BACH2: variants seen among roughly 807,000 people sequenced by gnomAD.
BACH2 encodes BACH transcriptional regulator 2.
In BACH2, 5 loss-of-function variants were observed where a neutral mutation model predicts 61.8. The observed-to-expected ratio is 0.08, with a 90% CI of 0.04 to 0.17. The LOEUF (loss-of-function observed/expected upper bound fraction) is 0.17, where lower values mean the gene tolerates loss of function less well. Among genes scored for constraint, BACH2 ranks in the 10% least tolerant of loss-of-function variants. The probability of loss-of-function intolerance (pLI) is 1.00; values close to 1 mark genes in which losing one functional copy is unlikely to be tolerated. For missense variants in BACH2, 824 were observed against 1,091.1 expected (o/e 0.76, Z 3.45); for synonymous variants, 446 against 440.1 (o/e 1.01, Z -0.17).
At chr6:90,052,258 C>T (rs1470488001) in intron 5 of BACH2, among the ~76,000 whole-genome samples, 1 of 152,128 alleles carries the variant, frequency 6.6e-6, no homozygotes, top group African/African-American at 2.4e-5. Flanking sequence ...CAAGCAATAT[C>T]TTGGAGAAAC....
chr6:90,055,918 T>C (rs905499613), intron 5 of BACH2, among the ~76,000 whole-genome samples: 42 of 152,130 alleles, frequency 2.8e-4, no homozygotes, highest in African/African-American at 9.2e-4. Context: ...GACAAGCAAA[T>C]GCTGAGAGAT....
At chr6:90,252,012 T>C (rs1770828270) in intron 3 of BACH2, among the ~76,000 whole-genome samples, 1 of 152,162 alleles carries the variant, frequency 6.6e-6, no homozygotes. Context: ...TTTTTTAGAA[T>C]TGACTATGCT....
chr6:90,075,403 G>T (rs188639643), intron 5 of BACH2, among the ~76,000 whole-genome samples: 1 of 152,132 alleles, frequency 6.6e-6, no homozygotes, highest in Non-Finnish European at 1.5e-5. Context: ...AACTAAAAGC[G>T]TTTTTAAGGT....
chr6:90,296,096 C>T (rs1276899091), intron 1 of BACH2, among the ~76,000 whole-genome samples: 8 of 152,006 alleles, frequency 5.3e-5, no homozygotes, highest in Non-Finnish European at 7.4e-5. Flanking sequence ...GCTGCTGCGG[C>T]TCGCGCGGAC....
intron 4 of BACH2, among the ~76,000 whole-genome samples, chr6:90,177,156 GCCT>G (rs1768008636): frequency 6.6e-6 from 1 of 152,102 alleles, no homozygotes; most frequent in Admixed American, 6.5e-5. Context: ...TCATTCTGAA[GCCT>G]CCTCAAACAA....
At chr6:90,150,151 T>A (rs965484790) in intron 4 of BACH2, among the ~76,000 whole-genome samples, 2 of 152,116 alleles carry the variant, frequency 1.3e-5, no homozygotes, top group East Asian at 3.9e-4. Flanking sequence ...CTGTCTACAG[T>A]GATAAGCAAC....
rs35844509 is a variant in BACH2, at chr6:90,179,196, T to C, written c.-162+27373A>G. ...GCATTACAACCCTTGGGAGACACTC[T>C]AGTGTGTATTTCTATAAATTAAAAA... On this transcript the variant is annotated intron_variant, in intron 4 of 8. Transcript: ENST00000257749. 4.2e-3 allele frequency among the ~76,000 whole-genome samples: 634 copies of C among 152,246 alleles called. 3 individuals carry two copies. The highest frequency in any genetic ancestry group is 7.2e-3 in the Non-Finnish European group (491 of 68,014).
At chr6:90,151,003 A>G (rs1784793806) in intron 4 of BACH2, among the ~76,000 whole-genome samples, 1 of 152,226 alleles carries the variant, frequency 6.6e-6, no homozygotes, top group South Asian at 2.1e-4. Flanking sequence ...CCTATCAATA[A>G]TTACACGAGG....
At chr6:90,131,892 C>T (rs1227379759) in intron 4 of BACH2, among the ~76,000 whole-genome samples, 1 of 152,198 alleles carries the variant, frequency 6.6e-6, no homozygotes, top group African/African-American at 2.4e-5. Context: ...TTATGCCAGC[C>T]AATGAAAGTG....
chr6:90,028,681 A>G (rs1778771626), intron 5 of BACH2, among the ~76,000 whole-genome samples: 1 of 151,968 alleles, frequency 6.6e-6, no homozygotes, highest in Non-Finnish European at 1.5e-5. Context: ...AAACAGAATG[A>G]CTCCTGGAGA....
Position 89,950,342 on chromosome 6 carries a change from G to A in BACH2, c.1764C>T (p.Asn588=). 6.2e-7 allele frequency: 1 copy of A among 1,614,168 alleles called. No individual in the cohort carries two copies. Among genetic ancestry groups the A allele is most frequent in the African/African-American group, 1.3e-5 (1 of 75,030 alleles). ...AGAACGATCCGGATTCGTCACTGGA[G>A]TTGGTTCCATAAGACTGCTCACATT... ...QIKCEQSYGT[N]SSDESGSFSE... The change falls in exon 7 of 9, where the codon AAC becomes AAT. Residue 588 remains asparagine, a synonymous_variant. Coordinates refer to ENST00000257749, the MANE Select transcript of BACH2 (RefSeq NM_021813.4). The surrounding 1 kb of genome is among the most constrained non-coding windows in gnomAD (Gnocchi z 5.3).
chr6:90,226,728 C>T (rs1225599610), intron 3 of BACH2, among the ~76,000 whole-genome samples: 1 of 152,036 alleles, frequency 6.6e-6, no homozygotes, highest in East Asian at 1.9e-4. Context: ...GGGTCTCACT[C>T]TGTCATCCAG....
chr6:90,260,492 T>C (rs1429000061), intron 2 of BACH2, among the ~76,000 whole-genome samples: 1 of 152,210 alleles, frequency 6.6e-6, no homozygotes, highest in African/African-American at 2.4e-5. Context: ...ATGTTCTATG[T>C]ATACTCTAGA....
At chr6:89,958,392 G>T (rs889311154) in intron 6 of BACH2, among the ~76,000 whole-genome samples, 2 of 152,182 alleles carry the variant, frequency 1.3e-5, no homozygotes, top group African/African-American at 4.8e-5. Context: ...TCTACCAGCT[G>T]TGTCACTTGG....
intron 6 of BACH2, among the ~76,000 whole-genome samples, chr6:89,991,669 T>G (rs749689721): frequency 1.8e-4 from 28 of 152,058 alleles, no homozygotes; most frequent in Non-Finnish European, 4.1e-4. Flanking sequence ...TAATATATAG[T>G]CTACATTCAG....
chr6:89,939,301 T>C (rs1773245706), intron 7 of BACH2, among the ~76,000 whole-genome samples: 2 of 152,188 alleles, frequency 1.3e-5, no homozygotes, highest in Admixed American at 6.5e-5. Context: ...CTAGCCCCAG[T>C]CAAACCTTCA....
At chr6:90,066,144 G>T (rs1780952417) in intron 5 of BACH2, among the ~76,000 whole-genome samples, 1 of 152,090 alleles carries the variant, frequency 6.6e-6, no homozygotes, top group Non-Finnish European at 1.5e-5. Context: ...GCAGTGCTTG[G>T]TTCACAGCCA....
At chr6:90,092,639 T>A (rs1467056331) in intron 4 of BACH2, among the ~76,000 whole-genome samples, 4 of 152,130 alleles carry the variant, frequency 2.6e-5, no homozygotes, top group African/African-American at 4.8e-5. Flanking sequence ...ATCTTTTTTT[T>A]AAACTAAACA....
intron 1 of BACH2, among the ~76,000 whole-genome samples, chr6:90,287,759 T>C (rs1180960560): frequency 6.6e-6 from 1 of 152,232 alleles, no homozygotes; most frequent in African/African-American, 2.4e-5. Flanking sequence ...CTATTGTTTT[T>C]ATCTTTAGGG....
Sources: allele counts gnomAD v4.1 joint callset (sites outside exome capture counted in the v4.1 genomes callset), GRCh38; gene constraint gnomAD v4.1.1; non-coding constraint Gnocchi (gnomAD v3.1); transcripts MANE v1.5; gene names NCBI Gene and HGNC (gene_info 2026-07-23, HGNC 2026-07-21).